SRGAP2C: variants seen among roughly 807,000 people sequenced by gnomAD.
The protein encoded by SRGAP2C is SLIT-ROBO Rho GTPase activating protein 2C.
A neutral mutation model predicts 25.1 loss-of-function variants in SRGAP2C; 15 were observed. The ratio of observed to expected loss-of-function variants is 0.60; its 90% confidence interval spans 0.40 to 0.92. The LOEUF is 0.92. Among genes scored for constraint, SRGAP2C ranks in the 40% least tolerant of loss-of-function variants. The pLI is 0.00. For missense variants in SRGAP2C, 144 were observed against 264.4 expected, an observed-to-expected ratio of 0.54 and a Z score of 3.16; for synonymous variants, 44 against 96.6, an observed-to-expected ratio of 0.46 and a Z score of 3.19.
intron 2 of SRGAP2C, among the ~76,000 whole-genome samples, chr1:121,238,832 A>G (rs1656022813): frequency 7.5e-6 from 1 of 132,468 alleles, no homozygotes. Context: ...CCCAGGATGG[A>G]GTGCAGTAGC....
chr1:121,185,119 A>G lies in SRGAP2C; in HGVS notation c.-548A>G. On this transcript the variant is annotated 5_prime_UTR_variant, in exon 1 of 10. Coordinates refer to ENST00000367123, the MANE Select transcript of SRGAP2C (RefSeq NM_001329984.2). ...GGGGGCCTGGGACCCGTCGCGTCAG[A>G]GCCAGGTAAAGGCTCCTTCCCTCTT... 2 of 470,728 alleles carry G rather than the reference A, an allele frequency of 4.2e-6. No individual in the cohort carries two copies. The highest frequency in any genetic ancestry group is 7.4e-6 in the Non-Finnish European group (2 of 270,268). 29.2% of individuals were successfully genotyped at this position (470,728 alleles called of 1,614,324 possible). A position where few individuals can be genotyped will look rare whatever the true frequency, so the allele number is the denominator to read the frequency against.
chr1:121,368,410 A>C (rs1570815910), intron 5 of SRGAP2C, among the ~76,000 whole-genome samples: 1 of 148,612 alleles, frequency 6.7e-6, no homozygotes, highest in East Asian at 2.0e-4. Context: ...GTCTCAAAAA[A>C]AAAAAAAAAA....
chr1:121,211,468 C>A (rs1393084969), intron 2 of SRGAP2C, among the ~76,000 whole-genome samples: 1 of 144,638 alleles, frequency 6.9e-6, no homozygotes, highest in Non-Finnish European at 1.5e-5. Context: ...CACATCTTAC[C>A]TTATTTAGGA....
At chr1:121,298,386 A>T (rs1232772674) in intron 3 of SRGAP2C, among the ~76,000 whole-genome samples, 3 of 145,024 alleles carry the variant, frequency 2.1e-5, no homozygotes, top group African/African-American at 7.7e-5. Flanking sequence ...CCCAATTTTG[A>T]CTTGGGCAAA....
chr1:121,234,992 ACT>A (rs781942082), intron 2 of SRGAP2C, among the ~76,000 whole-genome samples: 1 of 117,574 alleles, frequency 8.5e-6, no homozygotes. Context: ...CACTTCCTTC[ACT>A]CTCTCTCTCT....
chr1:121,347,726 C>T (rs1327718237), intron 4 of SRGAP2C, among the ~76,000 whole-genome samples: 1 of 152,182 alleles, frequency 6.6e-6, no homozygotes, highest in Non-Finnish European at 1.5e-5. Flanking sequence ...GAGAAAGGCA[C>T]AGTGACACAA....
intron 2 of SRGAP2C, among the ~76,000 whole-genome samples, chr1:121,207,160 C>T (rs1281121045): frequency 1.3e-5 from 2 of 150,916 alleles, no homozygotes; most frequent in Non-Finnish European, 3.0e-5. Context: ...GATGACACCC[C>T]TTTTACGTGC....
At chr1:121,206,530 C>T (rs1404010037) in intron 2 of SRGAP2C, among the ~76,000 whole-genome samples, 2 of 151,468 alleles carry the variant, frequency 1.3e-5, no homozygotes, top group South Asian at 2.1e-4. Flanking sequence ...AGAGGGACTC[C>T]CTGGTTGCTC....
chr1:121,293,747 TC>T (rs1269261700), intron 3 of SRGAP2C, among the ~76,000 whole-genome samples: 7 of 142,630 alleles, frequency 4.9e-5, no homozygotes, highest in Non-Finnish European at 7.7e-5. Flanking sequence ...ACTCATCACC[TC>T]CCCCGGAGCT....
At chr1:121,228,758 G>A (rs1655744532) in intron 2 of SRGAP2C, among the ~76,000 whole-genome samples, 1 of 151,152 alleles carries the variant, frequency 6.6e-6, no homozygotes, top group Non-Finnish European at 1.5e-5. Flanking sequence ...CTTGAATATA[G>A]TAATTATGTA....
At chr1:121,321,840 C>T (rs1318269016) in intron 3 of SRGAP2C, among the ~76,000 whole-genome samples, 3 of 152,208 alleles carry the variant, frequency 2.0e-5, no homozygotes, top group Non-Finnish European at 2.9e-5. Context: ...GATATGTGCT[C>T]TGCATCCTTT....
intron 2 of SRGAP2C, among the ~76,000 whole-genome samples, chr1:121,239,766 A>G (rs1553329551): frequency 6.6e-6 from 1 of 152,146 alleles, no homozygotes. Context: ...CCATATTGGA[A>G]CAGTCATACA....
At chr1:121,336,112 C>T (rs1658509804) in intron 4 of SRGAP2C, among the ~76,000 whole-genome samples, 1 of 152,130 alleles carries the variant, frequency 6.6e-6, no homozygotes, top group Non-Finnish European at 1.5e-5. Flanking sequence ...GCCCCTCTAA[C>T]TAGGCAGGCT....
intron 2 of SRGAP2C, among the ~76,000 whole-genome samples, chr1:121,195,169 G>A (rs1654799325): frequency 6.6e-6 from 1 of 152,110 alleles, no homozygotes; most frequent in Admixed American, 6.6e-5. Flanking sequence ...CCAGCACTTT[G>A]AGAGGCCAAG....
intron 4 of SRGAP2C, chr1:121,360,775 G>T (rs1189811367): frequency 2.2e-5 from 3 of 134,382 alleles, no homozygotes; most frequent in Non-Finnish European, 4.8e-5. Flanking sequence ...ATGTATGGTG[G>T]TGCTTCTGCT....
At chr1:121,375,314 CT>C (rs1183489638) in intron 7 of SRGAP2C, among the ~76,000 whole-genome samples, 1 of 71,372 alleles carries the variant, frequency 1.4e-5, no homozygotes, top group Admixed American at 1.8e-4. Flanking sequence ...GAAATACTTT[CT>C]TCCTTTTTTT....
rs1655179589 is a variant in SRGAP2C at position 121,208,797 on chromosome 1, C to T, written c.67+21284C>T. Among the ~76,000 whole-genome samples the T allele has an allele frequency of 2.6e-5, 4 of 152,140 alleles. 1 individual carries two copies. Among genetic ancestry groups the T allele is most frequent in the Admixed American group, 2.6e-4 (4 of 15,272 alleles). Reference sequence around the variant, plus strand: ...GATGAATGAATGAACGAATGAAATTCCTTGCATTTTTATTCGGTTAGAGAG... The same window carrying T: ...GATGAATGAATGAACGAATGAAATTTCTTGCATTTTTATTCGGTTAGAGAG... On this transcript the variant is annotated intron_variant, in intron 2 of 9. Coordinates refer to ENST00000367123, the MANE Select transcript of SRGAP2C (RefSeq NM_001329984.2).
chr1:121,259,843 CTTTTTT>C (rs782529398), intron 2 of SRGAP2C, among the ~76,000 whole-genome samples: 11 of 107,752 alleles, frequency 1.0e-4, no homozygotes, highest in African/African-American at 1.8e-4. Context: ...TCTTCTTCTA[CTTTTTT>C]TTTTTTTTTT....
At chr1:121,223,306 C>G (rs1341113376) in intron 2 of SRGAP2C, among the ~76,000 whole-genome samples, 2 of 145,062 alleles carry the variant, frequency 1.4e-5, no homozygotes, top group South Asian at 4.5e-4. Context: ...AAAGGTGACC[C>G]AAATGACTTT....
Sources: allele counts gnomAD v4.1 joint callset (sites outside exome capture counted in the v4.1 genomes callset), GRCh38; gene constraint gnomAD v4.1.1; transcripts MANE v1.5; gene names NCBI Gene and HGNC (gene_info 2026-07-23, HGNC 2026-07-21).